Variants in OR51B5 observed in about 807,000 individuals in gnomAD.
OR51B5 encodes the protein olfactory receptor family 51 subfamily B member 5, also known as olfactory receptor 51B5.
For synonymous variants in OR51B5, 186 were observed against 144.8 expected, an observed-to-expected ratio of 1.28 and a Z score of -2.04; for missense variants, 456 against 374.6, an observed-to-expected ratio of 1.22 and a Z score of -1.79.
intron 1 of OR51B5, among the ~76,000 whole-genome samples, chr11:5,482,114 G>A (rs1303172523): frequency 1.7e-5 from 2 of 119,092 alleles, no homozygotes; most frequent in Non-Finnish European, 3.3e-5. Flanking sequence ...TATACTACAA[G>A]GCTACAATAA....
At chr11:5,476,745 A>T (rs556327180) in intron 1 of OR51B5, among the ~76,000 whole-genome samples, 2 of 152,328 alleles carry the variant, frequency 1.3e-5, no homozygotes, top group South Asian at 4.1e-4. Flanking sequence ...GTTATCCTAG[A>T]CAAGTTACTT....
intron 1 of OR51B5, chr11:5,403,277 A>C: frequency 2.1e-6 from 1 of 471,408 alleles, no homozygotes; most frequent in South Asian, 1.5e-5. Flanking sequence ...TCCACACTGT[A>C]TTGGGTATTG....
intron 1 of OR51B5, among the ~76,000 whole-genome samples, chr11:5,480,350 T>A (rs1447427373): frequency 6.6e-6 from 1 of 151,508 alleles, no homozygotes; most frequent in African/African-American, 2.4e-5. Context: ...TGGGACGCAT[T>A]CAAAGCAGTG....
At chr11:5,457,003 A>T (rs1850970627) in intron 1 of OR51B5, among the ~76,000 whole-genome samples, 1 of 152,168 alleles carries the variant, frequency 6.6e-6, no homozygotes, top group Admixed American at 6.5e-5. Flanking sequence ...AGGCCTTCCC[A>T]GAAGCCGAGC....
intron 1 of OR51B5, among the ~76,000 whole-genome samples, chr11:5,398,646 G>A (rs190905601): frequency 1.3e-5 from 2 of 152,102 alleles, no homozygotes; most frequent in African/African-American, 2.4e-5. Context: ...ATATGTCGGG[G>A]GAGGGACCAG....
At chr11:5,484,904 C>T (rs1590023277) in intron 1 of OR51B5, among the ~76,000 whole-genome samples, 2 of 152,166 alleles carry the variant, frequency 1.3e-5, no homozygotes, top group African/African-American at 2.4e-5. Context: ...AGTTTTTATG[C>T]TCCAATACAT....
chr11:5,441,693 G>A (rs997690676), intron 1 of OR51B5, among the ~76,000 whole-genome samples: 1 of 152,112 alleles, frequency 6.6e-6, no homozygotes, highest in Non-Finnish European at 1.5e-5. Flanking sequence ...AATCGTTTGT[G>A]TACCACCAGG....
intron 1 of OR51B5, among the ~76,000 whole-genome samples, chr11:5,440,014 C>T (rs781594543): frequency 8.5e-5 from 13 of 152,164 alleles, no homozygotes; most frequent in Non-Finnish European, 1.6e-4. Flanking sequence ...AATCAGTACC[C>T]TTCTTTCTTC....
intron 1 of OR51B5, among the ~76,000 whole-genome samples, chr11:5,452,975 A>G (rs1193953939): frequency 6.6e-6 from 1 of 152,166 alleles, no homozygotes; most frequent in East Asian, 1.9e-4. Context: ...CCATCCAAGC[A>G]CACAACATGA....
At chr11:5,350,207 T>C (rs887441435) in intron 1 of OR51B5, among the ~76,000 whole-genome samples, 9 of 109,010 alleles carry the variant, frequency 8.3e-5, no homozygotes, top group African/African-American at 2.6e-4. Context: ...AAATCACTAG[T>C]AGTCTTTACA....
intron 1 of OR51B5, among the ~76,000 whole-genome samples, chr11:5,378,401 G>A (rs1302667497): frequency 6.6e-6 from 1 of 152,076 alleles, no homozygotes; most frequent in African/African-American, 2.4e-5. Context: ...ATAGGCATGG[G>A]CAAGGACTTC....
At chr11:5,477,146 A>G (rs1478217295) in intron 1 of OR51B5, among the ~76,000 whole-genome samples, 1 of 152,202 alleles carries the variant, frequency 6.6e-6, no homozygotes, top group Non-Finnish European at 1.5e-5. Context: ...TGATGGTTTC[A>G]TGGCTGTATA....
At chr11:5,356,177 C>A (rs113279115) in intron 1 of OR51B5, among the ~76,000 whole-genome samples, 57,205 of 151,222 alleles carry the variant, frequency 0.38, 11,157 homozygotes, top group Non-Finnish European at 0.41. Context: ...CAAACTACTC[C>A]GAGCTAAAGG....
At chr11:5,505,350 C>A (rs1343708836) in intron 1 of OR51B5, 1 of 1,304,068 alleles carries the variant, frequency 7.7e-7, no homozygotes, top group South Asian at 1.2e-5. Flanking sequence ...AGAGAACTCA[C>A]CTCATGAACG....
chr11:5,466,698 C>A (rs781178321), intron 1 of OR51B5, among the ~76,000 whole-genome samples: 1 of 152,198 alleles, frequency 6.6e-6, no homozygotes, highest in Non-Finnish European at 1.5e-5. Context: ...TTGTGGGATC[C>A]TCTGAAGGGA....
chr11:5,467,934 T>A (rs1851163004), intron 1 of OR51B5, among the ~76,000 whole-genome samples: 1 of 152,236 alleles, frequency 6.6e-6, no homozygotes, highest in Non-Finnish European at 1.5e-5. Flanking sequence ...CATTTTTCTT[T>A]GTACTAAACT....
intron 1 of OR51B5, among the ~76,000 whole-genome samples, chr11:5,406,591 T>C (rs1470770675): frequency 2.0e-5 from 3 of 152,310 alleles, no homozygotes; most frequent in South Asian, 4.1e-4. Flanking sequence ...CAGCTAAGCA[T>C]GGAGCTAAAT....
At chr11:5,416,134 A>G (rs1200958258) in intron 1 of OR51B5, among the ~76,000 whole-genome samples, 1 of 150,094 alleles carries the variant, frequency 6.7e-6, no homozygotes, top group African/African-American at 2.5e-5. Context: ...ATGCAAATCA[A>G]TAAATGTAGT....
At chr11:5,442,354 CCT>C (rs1293787246) in intron 1 of OR51B5, among the ~76,000 whole-genome samples, 2 of 152,084 alleles carry the variant, frequency 1.3e-5, no homozygotes, top group Admixed American at 6.5e-5. Flanking sequence ...TCATTCTTAA[CCT>C]CTATTTTCTG....
Sources: gnomAD v4.1 joint callset for allele counts (sites outside exome capture counted in the v4.1 genomes callset) on GRCh38, gnomAD v4.1.1 for gene constraint, MANE v1.5 for transcripts, NCBI Gene and HGNC (gene_info 2026-07-23, HGNC 2026-07-21) for gene names.